The following ITFG1 variants were observed in gnomAD, a reference collection of about 807,000 sequenced individuals.
ITFG1 encodes the protein T-cell immunomodulatory protein.
In ITFG1, 34 loss-of-function variants were observed where a neutral mutation model predicts 81.8. The ratio of observed to expected loss-of-function variants is 0.42; its 90% confidence interval spans 0.32 to 0.55. ITFG1 has a LOEUF of 0.55. Among genes scored for constraint, ITFG1 ranks in the 20% least tolerant of loss-of-function variants. The pLI, the probability that ITFG1 is intolerant of heterozygous loss-of-function variation, is 0.17. For synonymous variants in ITFG1, 285 were observed against 270.6 expected (o/e 1.05, Z -0.52); for missense variants, 672 against 755.4 (o/e 0.89, Z 1.29).
intron 1 of ITFG1, among the ~76,000 whole-genome samples, chr16:47,459,879 T>C (rs1395417239): frequency 6.6e-6 from 1 of 152,184 alleles, no homozygotes; most frequent in African/African-American, 2.4e-5. Flanking sequence ...TCAGGGTTTG[T>C]AAGAGGTTCC....
chr16:47,347,123 C>A (rs1360867752), intron 8 of ITFG1, among the ~76,000 whole-genome samples: 1 of 152,246 alleles, frequency 6.6e-6, no homozygotes, highest in Admixed American at 6.5e-5. Flanking sequence ...GTGAGCAACA[C>A]AGAAGACGGG....
intron 8 of ITFG1, among the ~76,000 whole-genome samples, chr16:47,351,839 GC>G (rs1168201909): frequency 6.6e-6 from 1 of 152,140 alleles, no homozygotes; most frequent in African/African-American, 2.4e-5. Flanking sequence ...AACCACAACA[GC>G]CATGTACTGG....
chr16:47,440,131 G>C (rs1055108866), intron 5 of ITFG1, among the ~76,000 whole-genome samples: 9 of 152,186 alleles, frequency 5.9e-5, no homozygotes, highest in Non-Finnish European at 1.2e-4. Flanking sequence ...AACAAGAAGA[G>C]CTAACTATCC....
intron 10 of ITFG1, among the ~76,000 whole-genome samples, chr16:47,290,377 C>T (rs1360108394): frequency 6.6e-6 from 1 of 152,106 alleles, no homozygotes. Context: ...GTTTTATGTC[C>T]AGATGATCTA....
intron 7 of ITFG1, among the ~76,000 whole-genome samples, chr16:47,373,904 A>G (rs1193737707): frequency 6.6e-6 from 1 of 152,220 alleles, no homozygotes; most frequent in Non-Finnish European, 1.5e-5. Flanking sequence ...CTAATTGAAA[A>G]TGATCATTCA....
chr16:47,441,345 C>G (rs1015617081), intron 5 of ITFG1, among the ~76,000 whole-genome samples: 6 of 152,172 alleles, frequency 3.9e-5, no homozygotes, highest in Non-Finnish European at 5.9e-5. Flanking sequence ...CAGCATCAAC[C>G]TGATACCAAA....
rs188465747 is a variant in ITFG1, at chr16:47,357,508, G to C, written c.802+8280C>G. Among the ~76,000 whole-genome samples the C allele has an allele frequency of 2.5e-4, 38 of 151,630 alleles. No individual in the cohort carries two copies. In the East Asian group the frequency reaches 2.5e-3, roughly 10 times the overall value. ...TGGGCACCTGTAGTCCCAGCGACCC[G>C]GGAGGCTGAGGCAGAAGAATGGCGT... On this transcript the variant is annotated intron_variant, in intron 8 of 17. Transcript: ENST00000320640.
At chr16:47,376,612 T>C (rs151283644) in intron 6 of ITFG1, among the ~76,000 whole-genome samples, 1 of 152,330 alleles carries the variant, frequency 6.6e-6, no homozygotes, top group East Asian at 1.9e-4. Flanking sequence ...ATGGCAATTT[T>C]ACTTAGTGAA....
At position 47,305,706 on chromosome 16, in the gene ITFG1, A is replaced by C. The variant is rs546519988; in HGVS notation, c.1070+5534T>G. On this transcript the variant is annotated intron_variant, in intron 10 of 17. Coordinates refer to ENST00000320640, the MANE Select transcript of ITFG1 (RefSeq NM_030790.5). ...TTGACTAGCAAAAGTGAATATCAGA[A>C]TTTAACAGAGAAGTGTTTTTAAGGA... Among the ~76,000 whole-genome samples, 3 of 152,320 alleles carry C rather than the reference A, an allele frequency of 2.0e-5. No homozygotes were observed. The East Asian group carries it at 5.8e-4, about 29-fold the overall frequency.
chr16:47,440,477 A>G (rs559240776), intron 5 of ITFG1, among the ~76,000 whole-genome samples: 9 of 152,368 alleles, frequency 5.9e-5, no homozygotes, highest in Admixed American at 2.6e-4. Context: ...AGACATTATA[A>G]CAAACTGTCT....
At position 47,272,924 on chromosome 16, in the gene ITFG1, TGAG is replaced by T. The variant is rs1966358715; in HGVS notation, c.1071-12232_1071-12230del. On this transcript the variant is annotated intron_variant, in intron 10 of 17. Coordinates refer to ENST00000320640, the MANE Select transcript of ITFG1 (RefSeq NM_030790.5). ...TTGTATATCTAGTATGCAATTTTTTTGAGGCTGGTTTTAATTTATCTTCAAAGG... is the reference window on the plus strand; with the variant it reads ...TTGTATATCTAGTATGCAATTTTTTTGCTGGTTTTAATTTATCTTCAAAGG... Among the ~76,000 whole-genome samples, 3 of 147,122 alleles carry T rather than the reference TGAG, an allele frequency of 2.0e-5. No homozygotes were observed. In the Admixed American group the frequency reaches 2.1e-4, roughly 10 times the overall value.
intron 14 of ITFG1, among the ~76,000 whole-genome samples, chr16:47,175,568 T>G (rs1019586963): frequency 2.6e-5 from 4 of 152,132 alleles, no homozygotes; most frequent in Admixed American, 6.5e-5. Context: ...AGAAGTGCAG[T>G]ATTTGTCTTA....
chr16:47,398,863 A>G (rs1968624376), intron 6 of ITFG1, among the ~76,000 whole-genome samples: 4 of 152,222 alleles, frequency 2.6e-5, no homozygotes, highest in Non-Finnish European at 4.4e-5. Context: ...TATTCACCAG[A>G]CAATATTTCA....
intron 12 of ITFG1, among the ~76,000 whole-genome samples, chr16:47,254,153 A>G (rs1336468052): frequency 1.3e-5 from 2 of 151,864 alleles, no homozygotes; most frequent in African/African-American, 4.8e-5. Context: ...AGAAGCTAAG[A>G]TGTTGCATTA....
chr16:47,421,902 G>A (rs1968955255), intron 6 of ITFG1, among the ~76,000 whole-genome samples: 1 of 152,144 alleles, frequency 6.6e-6, no homozygotes, highest in African/African-American at 2.4e-5. Flanking sequence ...TTGTTCCACT[G>A]CCACCTGTGA....
At chr16:47,408,623 CA>C (rs530402549) in intron 6 of ITFG1, among the ~76,000 whole-genome samples, 2 of 150,224 alleles carry the variant, frequency 1.3e-5, no homozygotes, top group African/African-American at 4.9e-5. Flanking sequence ...AACTATTTTC[CA>C]AAAAAAAAGA....
At chr16:47,256,275 T>C (rs1966138495) in intron 12 of ITFG1, among the ~76,000 whole-genome samples, 1 of 152,198 alleles carries the variant, frequency 6.6e-6, no homozygotes, top group African/African-American at 2.4e-5. Context: ...TCCTAGAAAT[T>C]GTGTGACTTC....
intron 5 of ITFG1, among the ~76,000 whole-genome samples, chr16:47,434,505 T>A: frequency 6.6e-6 from 1 of 152,048 alleles, no homozygotes. Context: ...TGAGATACCA[T>A]CTCATGCCTG....
At chr16:47,310,150 C>T (rs1490751903) in intron 10 of ITFG1, among the ~76,000 whole-genome samples, 3 of 152,140 alleles carry the variant, frequency 2.0e-5, no homozygotes, top group Non-Finnish European at 4.4e-5. Context: ...TTCAAACCAA[C>T]GTGCTTAGGA....
Sources: allele counts gnomAD v4.1 joint callset (sites outside exome capture counted in the v4.1 genomes callset), GRCh38; gene constraint gnomAD v4.1.1; transcripts MANE v1.5; gene names NCBI Gene and HGNC (gene_info 2026-07-23, HGNC 2026-07-21).